The following TCF4 variants were observed in gnomAD, a reference collection of about 807,000 sequenced individuals.
TCF4 encodes the protein SL3-3 enhancer factor 2.
Under a neutral mutation model 82.1 loss-of-function variants are expected in TCF4, and 3 were observed. That is an observed-to-expected ratio of 0.04 (90% CI 0.02 to 0.09). The LOEUF (loss-of-function observed/expected upper bound fraction) is 0.09, where lower values mean the gene tolerates loss of function less well. Ranked by LOEUF, TCF4 falls within the 10% of genes least tolerant of loss-of-function variation. The pLI is 1.00. For synonymous variants in TCF4, 276 were observed against 309.6 expected (o/e 0.89, Z 1.14); for missense variants, 518 against 852.7 (o/e 0.61, Z 4.89).
At chr18:55,505,108 A>C (rs2096739528) in intron 3 of TCF4, among the ~76,000 whole-genome samples, 1 of 152,176 alleles carries the variant, frequency 6.6e-6, no homozygotes, top group South Asian at 2.1e-4. Flanking sequence ...ATTCCCTAGG[A>C]GAATAAGCCT....
intron 3 of TCF4, among the ~76,000 whole-genome samples, chr18:55,466,143 C>A (rs577558968): frequency 1.2e-3 from 183 of 152,256 alleles, no homozygotes; most frequent in Non-Finnish European, 1.8e-3. Flanking sequence ...ATTGATCACA[C>A]AGAGGCCAAG....
intron 6 of TCF4, among the ~76,000 whole-genome samples, chr18:55,370,093 T>C (rs543317763): frequency 1.3e-5 from 2 of 152,278 alleles, no homozygotes; most frequent in East Asian, 3.9e-4. Context: ...GACCCCAATC[T>C]CAATATTACG....
chr18:55,525,312 A>G (rs2096970968), intron 3 of TCF4, among the ~76,000 whole-genome samples: 1 of 151,840 alleles, frequency 6.6e-6, no homozygotes, highest in African/African-American at 2.4e-5. Flanking sequence ...TTTTTCCTGA[A>G]GGTTAATGAC....
rs745514820 is a variant in TCF4, at chr18:55,401,714, T to C, written c.369+1740A>G. ...ACGGTCTGGATGATGCTTTCACAAG[T>C]TAAGGGGCCTCACGCTTACTCAGCA... On this transcript the variant is annotated intron_variant, in intron 6 of 19. Coordinates refer to ENST00000354452, the MANE Select transcript of TCF4 (RefSeq NM_001083962.2). The C allele has an allele frequency of 1.9e-5, 19 of 985,950 alleles. 1 individual carries two copies. The highest frequency in any genetic ancestry group is 2.3e-5 in the Non-Finnish European group (19 of 830,166). 61.1% of individuals were successfully genotyped at this position (985,950 alleles called of 1,614,324 possible).
upstream of TCF4, chr18:55,588,646 A>G: frequency 7.2e-7 from 1 of 1,384,626 alleles, no homozygotes; most frequent in Non-Finnish European, 9.4e-7. Flanking sequence ...GCAAGTTTAT[A>G]CTAGGCTGCA....
upstream of TCF4, chr18:55,588,595 T>TA: frequency 6.6e-7 from 1 of 1,515,248 alleles, no homozygotes. Flanking sequence ...TTCTTTCTCT[T>TA]ACTCTCGTTC....
intron 3 of TCF4, among the ~76,000 whole-genome samples, chr18:55,501,873 G>A (rs1160326708): frequency 6.6e-6 from 1 of 152,162 alleles, no homozygotes; most frequent in African/African-American, 2.4e-5. Context: ...TGTGGAGTGT[G>A]AGCAACCCCA....
In TCF4 at chr18:55,480,276, C is replaced by CAAAA. The variant is rs74180500; in HGVS notation, c.146-16143_146-16140dup. 5.5e-3 allele frequency among the ~76,000 whole-genome samples: 151 copies of CAAAA among 27,672 alleles called. 12 individuals carry two copies. Among genetic ancestry groups the CAAAA allele is most frequent in the Non-Finnish European group, 6.6e-3 (99 of 14,986 alleles). 18.2% of individuals were successfully genotyped at this position (27,672 alleles called of 152,430 possible). On this transcript the variant is annotated intron_variant, in intron 3 of 19. Coordinates refer to ENST00000354452, the MANE Select transcript of TCF4 (RefSeq NM_001083962.2). ...GGAACCTGGAACACAGTAGGAACTC[C>CAAAA]AAAAAAAAAAAAAAAAAAAAGCGGG... is the stretch of plus-strand genomic sequence containing the variant.
chr18:55,319,937 A>G (rs1041437408), intron 8 of TCF4, among the ~76,000 whole-genome samples: 4 of 152,222 alleles, frequency 2.6e-5, no homozygotes, highest in Non-Finnish European at 5.9e-5. Context: ...TAATCCTGAA[A>G]GATAAAAACC....
Position 55,228,040 on chromosome 18 carries a change from G to T in TCF4, c.*5-10C>A. The T allele has an allele frequency of 1.3e-6, 1 of 757,154 alleles. No individual in the cohort carries two copies. The highest frequency in any genetic ancestry group is 2.0e-6 in the Non-Finnish European group (1 of 489,386). 46.9% of individuals were successfully genotyped at this position (757,154 alleles called of 1,614,324 possible). A position where few individuals can be genotyped will look rare whatever the true frequency, so the allele number is the denominator to read the frequency against. The stretch of plus-strand genomic sequence containing the variant: ...ATGTGGCAACTTGGACCTGAGAAAG[G>T]AAAAAAGAGAGAAAAAATTCATTAA... On this transcript the variant is annotated splice_polypyrimidine_tract_variant and intron_variant, in intron 19 of 19. Transcript: ENST00000354452.
intron 1 of TCF4, among the ~76,000 whole-genome samples, chr18:55,631,605 ATATAGC>A (rs2097731685): frequency 6.6e-6 from 1 of 152,228 alleles, no homozygotes; most frequent in Non-Finnish European, 1.5e-5. Flanking sequence ...CACTTAAAAT[ATATAGC>A]TGAGCTGGAA....
At chr18:55,510,024 T>G (rs2096807745) in intron 3 of TCF4, among the ~76,000 whole-genome samples, 1 of 152,148 alleles carries the variant, frequency 6.6e-6, no homozygotes, top group Admixed American at 6.5e-5. Flanking sequence ...AACCAAAGAT[T>G]TTTAACACTG....
rs547590833 is a variant in TCF4, at chr18:55,622,535, T to C, written c.286+8763A>G. ...AAAAAAAAAAAAAAAAGTAACTGCT[T>C]TGTTTAGTTTATCATAATAGTGATA... is the stretch of plus-strand genomic sequence containing the variant. On this transcript the variant is annotated intron_variant, in intron 2 of 20. Transcript: ENST00000398339. Among the ~76,000 whole-genome samples, 14 of 151,868 alleles carry C rather than the reference T, an allele frequency of 9.2e-5. No homozygotes were observed. The East Asian group carries it at 2.3e-3, about 25-fold the overall frequency.
intron 3 of TCF4, chr18:55,551,596 C>A (rs1336559257): frequency 1.3e-5 from 2 of 152,540 alleles, no homozygotes; most frequent in South Asian, 2.1e-4. Flanking sequence ...TCCATCTCCA[C>A]GAGAAACTTC....
chr18:55,490,760 G>T (rs888078946), intron 3 of TCF4, among the ~76,000 whole-genome samples: 1 of 152,158 alleles, frequency 6.6e-6, no homozygotes, highest in Non-Finnish European at 1.5e-5. Flanking sequence ...GAGATGACCT[G>T]ACCATTCCAC....
intron 3 of TCF4, among the ~76,000 whole-genome samples, chr18:55,564,254 A>C (rs1006232256): frequency 6.6e-6 from 1 of 152,234 alleles, no homozygotes; most frequent in Non-Finnish European, 1.5e-5. Flanking sequence ...AAGGAAACCA[A>C]ATGAGGTTGT....
intron 13 of TCF4, 159 bp downstream of exon 13, chr18:55,259,790 T>A (rs757901977): frequency 1.5e-6 from 1 of 658,562 alleles, no homozygotes; most frequent in Non-Finnish European, 2.7e-6. Context: ...TGTTATCTGG[T>A]AATTTGTCTC....
At chr18:55,415,919 T>C (rs2094510167) in intron 5 of TCF4, among the ~76,000 whole-genome samples, 1 of 152,238 alleles carries the variant, frequency 6.6e-6, no homozygotes, top group Non-Finnish European at 1.5e-5. Flanking sequence ...GTGTGTCTTA[T>C]ACAAATCTAT....
At chr18:55,236,454 CTT>C (rs77656375) in intron 15 of TCF4, among the ~76,000 whole-genome samples, 12,749 of 145,564 alleles carry the variant, frequency 0.088, 678 homozygotes, top group African/African-American at 0.14. Context: ...AAGTACAAAC[CTT>C]TTTTTTTTTT....
Sources: gnomAD v4.1 joint callset for allele counts (sites outside exome capture counted in the v4.1 genomes callset) on GRCh38, gnomAD v4.1.1 for gene constraint, MANE v1.5 for transcripts, NCBI Gene and HGNC (gene_info 2026-07-23, HGNC 2026-07-21) for gene names.